The following BABAM2 variants were observed in gnomAD, a reference collection of about 807,000 sequenced individuals.
BABAM2 encodes the protein BRISC and BRCA1-A complex member 2.
In BABAM2, 31 loss-of-function variants were observed where a neutral mutation model predicts 54.7. The ratio of observed to expected loss-of-function variants is 0.57; its 90% confidence interval spans 0.43 to 0.77. The LOEUF is 0.77. Ranked by LOEUF, BABAM2 falls within the 30% of genes least tolerant of loss-of-function variation. BABAM2 has a pLI of 0.00. For missense variants in BABAM2, 364 were observed against 455.8 expected (o/e 0.80, Z 1.83); for synonymous variants, 167 against 162.9 (o/e 1.03, Z -0.19).
intron 7 of BABAM2, among the ~76,000 whole-genome samples, chr2:28,153,963 T>G (rs1246879029): frequency 6.6e-6 from 1 of 152,186 alleles, no homozygotes; most frequent in Non-Finnish European, 1.5e-5. Flanking sequence ...TTCTTAGTAT[T>G]CAGCAGAGTT....
At chr2:27,977,008 A>G (rs1202772870) in intron 3 of BABAM2, among the ~76,000 whole-genome samples, 1 of 152,150 alleles carries the variant, frequency 6.6e-6, no homozygotes, top group Non-Finnish European at 1.5e-5. Context: ...AATTCATGTA[A>G]ATATGCCAAC....
In BABAM2 at chr2:28,084,111, T is replaced by C. The variant is rs115175522; in HGVS notation, c.570+38312T>C. Among the ~76,000 whole-genome samples, 387 of 152,270 alleles carry C rather than the reference T, an allele frequency of 2.5e-3. 4 individuals are homozygous for C. Among genetic ancestry groups the C allele is most frequent in the African/African-American group, 9.0e-3 (375 of 41,558 alleles). ...TTTCCTTCTCACTCCAGGGTTATGA[T>C]AGTTCCTGTTGTACACATGGATGAT... On this transcript the variant is annotated intron_variant, in intron 6 of 11. Transcript: ENST00000379624.
intron 6 of BABAM2, among the ~76,000 whole-genome samples, chr2:28,063,387 C>T (rs186920718): frequency 6.2e-4 from 94 of 152,254 alleles, no homozygotes; most frequent in South Asian, 5.0e-3. Context: ...TTTTACTTAA[C>T]GCATTATACT....
intron 4 of BABAM2, among the ~76,000 whole-genome samples, chr2:27,989,071 C>T (rs561801613): frequency 2.3e-4 from 35 of 151,986 alleles, no homozygotes; most frequent in Non-Finnish European, 4.7e-4. Flanking sequence ...AAGGTGGATT[C>T]GTGGTGAAGT....
At chr2:28,177,166 T>A (rs1276312494) in intron 7 of BABAM2, among the ~76,000 whole-genome samples, 3 of 151,818 alleles carry the variant, frequency 2.0e-5, no homozygotes, top group Admixed American at 6.5e-5. Flanking sequence ...GAGAAAAGTG[T>A]CTAGTCACAT....
intron 2 of BABAM2, among the ~76,000 whole-genome samples, chr2:27,901,738 T>C (rs1573120766): frequency 2.6e-5 from 4 of 152,208 alleles, no homozygotes; most frequent in African/African-American, 9.7e-5. Flanking sequence ...GCGCCCAATC[T>C]CGTCTGAAGA....
chr2:28,316,524 T>C (rs1157463949), intron 11 of BABAM2, among the ~76,000 whole-genome samples: 2 of 152,218 alleles, frequency 1.3e-5, no homozygotes, highest in East Asian at 3.9e-4. Context: ...AGAACACACA[T>C]CAGCCTTTCC....
intron 11 of BABAM2, among the ~76,000 whole-genome samples, chr2:28,300,239 T>C (rs571207825): frequency 2.6e-5 from 4 of 152,162 alleles, no homozygotes; most frequent in Non-Finnish European, 5.9e-5. Context: ...GCGCCCAGCC[T>C]GAGATTCTTA....
At chr2:27,982,860 C>T (rs900998140) in intron 3 of BABAM2, among the ~76,000 whole-genome samples, 8 of 151,546 alleles carry the variant, frequency 5.3e-5, no homozygotes, top group Non-Finnish European at 7.4e-5. Flanking sequence ...CACACACACA[C>T]ACACACACAC....
At chr2:28,033,908 G>A (rs1318377592) in intron 5 of BABAM2, among the ~76,000 whole-genome samples, 1 of 151,638 alleles carries the variant, frequency 6.6e-6, no homozygotes, top group African/African-American at 2.4e-5. Context: ...AGTTTTTTAA[G>A]CAACATATTT....
At chr2:28,027,197 C>A (rs986768138) in intron 5 of BABAM2, among the ~76,000 whole-genome samples, 1 of 151,020 alleles carries the variant, frequency 6.6e-6, no homozygotes, top group Admixed American at 6.6e-5. Flanking sequence ...TTTGCATAGG[C>A]TCTCTGTTGT....
intron 6 of BABAM2, among the ~76,000 whole-genome samples, chr2:28,108,457 G>C (rs1282292502): frequency 6.6e-6 from 1 of 151,970 alleles, no homozygotes; most frequent in African/African-American, 2.4e-5. Context: ...TTCATCAATT[G>C]GTCTATCTTA....
chr2:27,938,316 C>T (rs565443115), intron 3 of BABAM2, among the ~76,000 whole-genome samples: 53 of 152,060 alleles, frequency 3.5e-4, no homozygotes, highest in Non-Finnish European at 6.3e-4. Context: ...TATTCTAATA[C>T]AAACACACTT....
chr2:27,981,991 C>T (rs1046311783), intron 3 of BABAM2, among the ~76,000 whole-genome samples: 1 of 152,226 alleles, frequency 6.6e-6, no homozygotes, highest in African/African-American at 2.4e-5. Context: ...ATAAGTGTTC[C>T]AGTTTCTTCA....
At chr2:27,935,023 A>G (rs1274637525) in intron 3 of BABAM2, among the ~76,000 whole-genome samples, 2 of 152,250 alleles carry the variant, frequency 1.3e-5, no homozygotes, top group African/African-American at 4.8e-5. Flanking sequence ...ACACTTAGCA[A>G]CAGATTTTTA....
Position 27,995,983 on chromosome 2 carries a change from A to G in BABAM2, c.300+7896A>G, listed in dbSNP as rs1006360299. ...ATCTGGTTAACTTATCTTTTCATCT[A>G]TATCTAAATGGCTTTCTCCACTTTC... On this transcript the variant is annotated intron_variant, in intron 4 of 11. Transcript: ENST00000379624. The surrounding 1 kb of genome is among the most constrained non-coding windows in gnomAD (Gnocchi z 4.1). Among the ~76,000 whole-genome samples, 1 of 152,142 alleles carries G rather than the reference A, an allele frequency of 6.6e-6. No individual in the cohort carries two copies. The highest frequency in any genetic ancestry group is 2.1e-4 in the South Asian group (1 of 4,830).
intron 5 of BABAM2, among the ~76,000 whole-genome samples, chr2:28,030,212 G>A (rs920522592): frequency 3.9e-5 from 6 of 152,110 alleles, no homozygotes; most frequent in African/African-American, 1.4e-4. Flanking sequence ...GTTCATCTAG[G>A]TGTAGAAGTT....
At chr2:28,222,447 C>T (rs565403323) in intron 7 of BABAM2, among the ~76,000 whole-genome samples, 5 of 152,282 alleles carry the variant, frequency 3.3e-5, no homozygotes, top group African/African-American at 7.2e-5. Flanking sequence ...TGAGTCTGAG[C>T]GAAACTACTT....
At chr2:28,150,674 A>G (rs1359614896) in intron 7 of BABAM2, among the ~76,000 whole-genome samples, 1 of 152,142 alleles carries the variant, frequency 6.6e-6, no homozygotes, top group Non-Finnish European at 1.5e-5. Flanking sequence ...TCTTGGAAAG[A>G]CCGTGAGACT....
Sources: allele counts gnomAD v4.1 joint callset (sites outside exome capture counted in the v4.1 genomes callset), GRCh38; gene constraint gnomAD v4.1.1; non-coding constraint Gnocchi (gnomAD v3.1); transcripts MANE v1.5; gene names NCBI Gene and HGNC (gene_info 2026-07-23, HGNC 2026-07-21).